Variants in KDM4B observed in about 807,000 individuals in gnomAD.
KDM4B encodes the protein lysine-specific demethylase 4B.
KDM4B carries 32 observed loss-of-function variants against 125.2 expected under a neutral mutation model. The observed-to-expected ratio is 0.26, with a 90% CI of 0.19 to 0.34. KDM4B has a LOEUF of 0.34. Among genes scored for constraint, KDM4B ranks in the 10% least tolerant of loss-of-function variants. The pLI, the probability that KDM4B is intolerant of heterozygous loss-of-function variation, is 1.00. For synonymous variants in KDM4B, 721 were observed against 677.9 expected, an observed-to-expected ratio of 1.06 and a Z score of -0.99; for missense variants, 1,190 against 1,577.7, an observed-to-expected ratio of 0.75 and a Z score of 4.16.
intron 13 of KDM4B, 21 bp from the exon 14 acceptor site, chr19:5,133,862 C>T: frequency 1.2e-6 from 2 of 1,610,442 alleles, no homozygotes; most frequent in Non-Finnish European, 1.7e-6. Flanking sequence ...GTCTCTCTCC[C>T]TCTCCCCTCT....
chr19:5,008,044 G>A (rs1277881544), intron 1 of KDM4B, among the ~76,000 whole-genome samples: 1 of 152,192 alleles, frequency 6.6e-6, no homozygotes, highest in African/African-American at 2.4e-5. Context: ...GGAAGGGTGG[G>A]TTGGGAGGAT....
chr19:5,119,606 C>T, intron 10 of KDM4B, 47 bp from the exon 11 acceptor site: 7 of 1,516,252 alleles, frequency 4.6e-6, no homozygotes, highest in Non-Finnish European at 6.3e-6. Context: ...ACCTAGGGCT[C>T]TTCCCTCCCT....
At chr19:5,113,562 G>T (rs1042445614) in intron 10 of KDM4B, among the ~76,000 whole-genome samples, 6 of 152,170 alleles carry the variant, frequency 3.9e-5, no homozygotes, top group African/African-American at 1.4e-4. Flanking sequence ...CTGTGGCTCA[G>T]GCTGGATCGG....
intron 1 of KDM4B, among the ~76,000 whole-genome samples, chr19:5,014,872 G>A (rs1222764290): frequency 1.3e-5 from 2 of 151,968 alleles, no homozygotes; most frequent in African/African-American, 4.8e-5. Flanking sequence ...GCGGGCGCCT[G>A]TAGTCCCAGC....
chr19:5,123,434 C>G (rs544540203), intron 11 of KDM4B, among the ~76,000 whole-genome samples: 16 of 152,188 alleles, frequency 1.1e-4, no homozygotes, highest in Admixed American at 2.6e-4. Flanking sequence ...CAGATTCCCC[C>G]CTTCCTAAGG....
rs758905125 is a variant in KDM4B at position 5,131,063 on chromosome 19, C to T, written c.1316-13C>T. 4.0e-6 allele frequency: 6 copies of T among 1,496,468 alleles called. No individual in the cohort carries two copies. The East Asian group carries it at 1.2e-4, about 29-fold the overall frequency. 92.7% of individuals were successfully genotyped at this position (1,496,468 alleles called of 1,614,324 possible). A position where few individuals can be genotyped will look rare whatever the true frequency, so the allele number is the denominator to read the frequency against. On this transcript the variant is annotated splice_polypyrimidine_tract_variant and intron_variant, in intron 11 of 22. Transcript: ENST00000159111. ...GGGTTCTCCTCCCTGACCTCCCTCT[C>T]CTCTTCCCACAGAGGACGGGAGGGG...
At chr19:4,978,917 G>A (rs981413738) in intron 1 of KDM4B, among the ~76,000 whole-genome samples, 4 of 152,306 alleles carry the variant, frequency 2.6e-5, no homozygotes, top group East Asian at 1.9e-4. Context: ...GGTCAGGGGC[G>A]CAGGGTGGCC....
intron 6 of KDM4B, among the ~76,000 whole-genome samples, chr19:5,065,294 G>T (rs575397012): frequency 1.3e-5 from 2 of 152,234 alleles, no homozygotes; most frequent in African/African-American, 4.8e-5. Context: ...CACCGTCATC[G>T]TAGCTAAGGG....
intron 7 of KDM4B, chr19:5,076,584 T>C (rs2038118944): frequency 8.4e-6 from 1 of 119,030 alleles, no homozygotes; most frequent in Admixed American, 8.2e-5. Flanking sequence ...CCCAGGGTTG[T>C]GCTCTCTCGT....
Position 5,114,511 on chromosome 19 carries a change from C to G in KDM4B, c.1115+3693C>G, listed in dbSNP as rs759826628. 2.8e-6 allele frequency: 1 copy of G among 356,282 alleles called. No individual in the cohort carries two copies. The highest frequency in any genetic ancestry group is 7.5e-5 in the East Asian group (1 of 13,330). 22.1% of individuals were successfully genotyped at this position (356,282 alleles called of 1,614,324 possible). A position where few individuals can be genotyped will look rare whatever the true frequency, so the allele number is the denominator to read the frequency against. ...CTCAGCCCTCAGGGACAGAACCTCA[C>G]GAGCACAGGGACCTGCCAGCCCCTG... On this transcript the variant is annotated intron_variant, in intron 10 of 22. Transcript: ENST00000159111. This position sits in a 1 kb window ranked among gnomAD's most constrained non-coding sequence, Gnocchi z 5.8.
At position 5,115,671 on chromosome 19, in the gene KDM4B, A is replaced by AGGAT. The variant is rs982581619; in HGVS notation, c.1116-3980_1116-3977dup. Among the ~76,000 whole-genome samples, 59 of 152,372 alleles carry AGGAT rather than the reference A, an allele frequency of 3.9e-4. No homozygotes were observed. The highest frequency in any genetic ancestry group is 1.4e-3 in the African/African-American group (59 of 41,592). On this transcript the variant is annotated intron_variant, in intron 10 of 22. Coordinates refer to ENST00000159111, the MANE Select transcript of KDM4B (RefSeq NM_015015.3). This position sits in a 1 kb window ranked among gnomAD's most constrained non-coding sequence, Gnocchi z 4.2. Reference sequence around the variant, plus strand: ...AAGAAGGGCAGAGCTCCGAGGAAAGAGGATGCAGTGAGTGCAGGGCCCTGG... The same window carrying AGGAT: ...AAGAAGGGCAGAGCTCCGAGGAAAGAGGATGGATGCAGTGAGTGCAGGGCCCTGG...
chr19:5,148,673 C>T (rs1044253937), intron 21 of KDM4B, among the ~76,000 whole-genome samples: 3 of 152,054 alleles, frequency 2.0e-5, no homozygotes, highest in Non-Finnish European at 2.9e-5. Context: ...CTCCAAAACC[C>T]GCTGCTGCCC....
intron 11 of KDM4B, among the ~76,000 whole-genome samples, chr19:5,123,942 C>G (rs908491935): frequency 6.9e-6 from 1 of 144,878 alleles, no homozygotes; most frequent in Non-Finnish European, 1.5e-5. Context: ...TGGCGTGGGA[C>G]AGGGAGGTGG....
chr19:5,128,457 G>C (rs903707246), intron 11 of KDM4B, among the ~76,000 whole-genome samples: 1 of 152,230 alleles, frequency 6.6e-6, no homozygotes, highest in African/African-American at 2.4e-5. Flanking sequence ...CCAGTCCCCG[G>C]TGAGGCTGGA....
Position 5,035,347 on chromosome 19 carries a change from C to T in KDM4B, c.141+2316C>T, listed in dbSNP as rs568417409. On this transcript the variant is annotated intron_variant, in intron 3 of 22. Transcript: ENST00000159111. The surrounding 1 kb of genome is among the most constrained non-coding windows in gnomAD (Gnocchi z 5.3). ...GATCCAAGGCGTCCTGATGTCAGGA[C>T]GTTGAGGGGAATCAGCATCTCAGAC... Among the ~76,000 whole-genome samples the T allele has an allele frequency of 3.3e-5, 5 of 152,202 alleles. No individual in the cohort carries two copies. Among genetic ancestry groups the T allele is most frequent in the African/African-American group, 9.6e-5 (4 of 41,524 alleles).
At chr19:5,066,941 G>A (rs896298673) in intron 6 of KDM4B, among the ~76,000 whole-genome samples, 1 of 152,080 alleles carries the variant, frequency 6.6e-6, no homozygotes, top group African/African-American at 2.4e-5. Context: ...GGCGATGCCC[G>A]GGTCCTGGGT....
intron 1 of KDM4B, among the ~76,000 whole-genome samples, chr19:5,007,671 G>A (rs557650262): frequency 4.7e-5 from 7 of 150,532 alleles, no homozygotes; most frequent in East Asian, 2.0e-4. Flanking sequence ...TCAGCCTCCC[G>A]AGTAGCTGGG....
chr19:5,029,847 A>G (rs79514168), intron 2 of KDM4B, among the ~76,000 whole-genome samples: 10,404 of 152,290 alleles, frequency 0.068, 380 homozygotes, highest in Admixed American at 0.1. Context: ...AGTTTCTTAA[A>G]AAGTGCACCA....
chr19:5,107,238 C>T (rs924448519), intron 9 of KDM4B, among the ~76,000 whole-genome samples: 6 of 152,250 alleles, frequency 3.9e-5, no homozygotes, highest in African/African-American at 7.2e-5. Context: ...GGCCCTGGGG[C>T]GTGCTCAGGC....
Sources: gnomAD v4.1 joint callset for allele counts (sites outside exome capture counted in the v4.1 genomes callset) on GRCh38, gnomAD v4.1.1 for gene constraint, Gnocchi (gnomAD v3.1) non-coding constraint, MANE v1.5 for transcripts, NCBI Gene and HGNC (gene_info 2026-07-23, HGNC 2026-07-21) for gene names.